The following KANK4 variants were observed in gnomAD, a reference collection of about 807,000 sequenced individuals.
The protein encoded by KANK4 is KN motif and ankyrin repeat domain-containing protein 4.
A neutral mutation model predicts 80.8 loss-of-function variants in KANK4; 50 were observed. The observed-to-expected ratio is 0.62, with a 90% CI of 0.49 to 0.78. The LOEUF is 0.78. Ranked by LOEUF, KANK4 falls within the 30% of genes least tolerant of loss-of-function variation. The probability of loss-of-function intolerance (pLI) is 0.00; values close to 1 mark genes in which losing one functional copy is unlikely to be tolerated. For missense variants in KANK4, 1,196 were observed against 1,240.1 expected, an observed-to-expected ratio of 0.96 and a Z score of 0.53; for synonymous variants, 465 against 506.9, an observed-to-expected ratio of 0.92 and a Z score of 1.11.
At chr1:62,273,016 C>T (rs1175949483) in intron 3 of KANK4, among the ~76,000 whole-genome samples, 188 bp downstream of exon 3, 1 of 152,126 alleles carries the variant, frequency 6.6e-6, no homozygotes, top group East Asian at 1.9e-4. Context: ...GTCTTGAACT[C>T]CTGATCTCAG....
At chr1:62,254,105 A>C (rs1386699565) in intron 7 of KANK4, among the ~76,000 whole-genome samples, 3 of 152,226 alleles carry the variant, frequency 2.0e-5, no homozygotes, top group Non-Finnish European at 4.4e-5. Flanking sequence ...AGGGTGAACA[A>C]CACCATGGGA....
chr1:62,266,181 G>A (rs914212051), intron 6 of KANK4, among the ~76,000 whole-genome samples: 2 of 152,194 alleles, frequency 1.3e-5, no homozygotes, highest in Non-Finnish European at 2.9e-5. Context: ...TGAGCCCCCG[G>A]CCTGCTTTCT....
Position 62,239,712 on chromosome 1 carries a change from T to C in KANK4, c.2884-1331A>G, listed in dbSNP as rs546238856. On this transcript the variant is annotated intron_variant, in intron 9 of 9. Coordinates refer to ENST00000371153, the MANE Select transcript of KANK4 (RefSeq NM_181712.5). Reference sequence around the variant, plus strand: ...CTGGTGTGTGATGTTCCCTGCCCTGTGTCCAGGTGTTCTCATTGTTCAATT... The same window carrying C: ...CTGGTGTGTGATGTTCCCTGCCCTGCGTCCAGGTGTTCTCATTGTTCAATT... 1.0e-3 allele frequency among the ~76,000 whole-genome samples: 157 copies of C among 152,260 alleles called. 1 individual carries two copies. Among genetic ancestry groups the C allele is most frequent in the African/African-American group, 3.6e-3 (149 of 41,548 alleles).
chr1:62,271,516 C>T lies in KANK4; in HGVS notation c.1974G>A (p.Gly658=). The change falls in exon 4 of 10, where the codon GGG becomes GGA. Residue 658 remains glycine (G), a synonymous_variant. Transcript: ENST00000371153. ...KDYGFRAGGN[G]TKKNLQFVGV... is the part of the protein sequence containing the mutation. ...CAACAAACTGAAGGTTCTTTTTGGT[C>T]CCATTACCTCCTGCACGGAAGCCAT... 6.2e-7 allele frequency: 1 copy of T among 1,614,046 alleles called. No homozygotes were observed.
At chr1:62,300,347 G>C (rs1644401721) in intron 1 of KANK4, among the ~76,000 whole-genome samples, 1 of 152,128 alleles carries the variant, frequency 6.6e-6, no homozygotes, top group African/African-American at 2.4e-5. Context: ...CACTGGGCTA[G>C]GTTCTGTGGA....
Position 62,268,492 on chromosome 1 carries a change from A to C in KANK4, c.2026T>G (p.Ser676Ala). 1 of 1,613,440 alleles carries C rather than the reference A, an allele frequency of 6.2e-7. No individual in the cohort carries two copies. Among genetic ancestry groups the C allele is most frequent in the Non-Finnish European group, 8.5e-7 (1 of 1,179,904 alleles). ...TCCTCACCGCTGGTCTCCTCACTTG[A>C]GGTGGTCTCATACCTGGGGTAGAAA... is the stretch of plus-strand genomic sequence containing the variant. ...VGVNGGYETT[S>A]SEETSGEDST... The change falls in exon 5 of 10, where the codon TCA becomes GCA. Residue 676 changes from serine to alanine, a missense_variant. By Grantham distance (99) the Ser-to-Ala change is moderately conservative (BLOSUM62 1). Transcript: ENST00000371153.
intron 1 of KANK4, among the ~76,000 whole-genome samples, chr1:62,282,593 GA>G (rs1490272722): frequency 6.6e-6 from 1 of 152,012 alleles, no homozygotes; most frequent in Non-Finnish European, 1.5e-5. Flanking sequence ...ACCAAGGATG[GA>G]AAAAAGGGGA....
At chr1:62,282,063 G>A (rs1367856751) in intron 1 of KANK4, among the ~76,000 whole-genome samples, 5 of 152,130 alleles carry the variant, frequency 3.3e-5, no homozygotes, top group South Asian at 2.1e-4. Context: ...TCCACTTTGC[G>A]AAAAAGCTGG....
chr1:62,282,453 G>A (rs1672471405), intron 1 of KANK4, among the ~76,000 whole-genome samples: 1 of 152,188 alleles, frequency 6.6e-6, no homozygotes, highest in Non-Finnish European at 1.5e-5. Flanking sequence ...CGCAGCAGTG[G>A]AAGCAGGGTT....
At chr1:62,294,057 G>A (rs765692) in intron 1 of KANK4, among the ~76,000 whole-genome samples, 41,762 of 152,132 alleles carry the variant, frequency 0.27, 5,951 homozygotes, top group Middle Eastern at 0.41. Flanking sequence ...GTTTTAAACT[G>A]CTTCTACTCT....
chr1:62,247,587 T>C lies in KANK4; in HGVS notation c.2768A>G (p.Asn923Ser). The change falls in exon 9 of 10, where the codon AAT (asparagine) becomes AGT (serine). Residue 923 changes from asparagine to serine, a missense_variant. Around this residue, in one of 3 missense-constraint regions of KANK4, gnomAD observed 1,154 missense variants for 1,179.6 expected, o/e 0.98. Transcript: ENST00000371153. Reference sequence around the variant, plus strand: ...CGAGGATCCATCGTGGTCCTGCAGATTGACATCTGCCTGGCAGCTAAGCAG... The same window carrying C: ...CGAGGATCCATCGTGGTCCTGCAGACTGACATCTGCCTGGCAGCTAAGCAG... The part of the protein sequence containing the change: ...QALLSCQADV[N>S]LQDHDGSSAL... 6.2e-7 allele frequency: 1 copy of C among 1,614,010 alleles called. No individual in the cohort carries two copies. Among genetic ancestry groups the C allele is most frequent in the Non-Finnish European group, 8.5e-7 (1 of 1,179,938 alleles).
At chr1:62,247,923 T>C (rs1314011534) in intron 8 of KANK4, among the ~76,000 whole-genome samples, 3 of 152,088 alleles carry the variant, frequency 2.0e-5, no homozygotes, top group African/African-American at 4.8e-5. Context: ...CACTCACCAC[T>C]TAGTATTGCA....
intron 1 of KANK4, among the ~76,000 whole-genome samples, chr1:62,288,141 C>A (rs1435080453): frequency 6.6e-6 from 1 of 152,174 alleles, no homozygotes. Flanking sequence ...CAGCTTCATG[C>A]TCCTACCAAG....
At chr1:62,287,864 G>A (rs938708188) in intron 1 of KANK4, among the ~76,000 whole-genome samples, 2 of 152,160 alleles carry the variant, frequency 1.3e-5, no homozygotes, top group African/African-American at 4.8e-5. Flanking sequence ...TATTTTTCCA[G>A]TTAGCTGAGT....
At chr1:62,263,810 C>T (rs931461070) in intron 6 of KANK4, among the ~76,000 whole-genome samples, 15 of 152,206 alleles carry the variant, frequency 9.9e-5, no homozygotes, top group African/African-American at 3.1e-4. Context: ...CCAATTTATG[C>T]TTGAAATAAA....
In KANK4 at chr1:62,274,014, C is replaced by T. The variant is rs1672239698; in HGVS notation, c.1090G>A (p.Ala364Thr). The change falls in exon 3 of 10, where the codon GCA becomes ACA. Residue 364 changes from alanine (A) to threonine (T), a missense_variant. This residue lies in a region of KANK4 where 1,154 missense variants were observed against 1,179.6 expected (regional missense o/e 0.98). Coordinates refer to ENST00000371153, the MANE Select transcript of KANK4 (RefSeq NM_181712.5). ...TGCTGGAGAGCAGTTCTGACCTGTG[C>T]CAGTTCCTCGGTTCTTCCAGACAAC... ...GELSGRTEEL[A>T]QVRTALQQQE... The T allele has an allele frequency of 1.2e-6, 2 of 1,614,210 alleles. No individual in the cohort carries two copies. Among genetic ancestry groups the T allele is most frequent in the Admixed American group, 3.3e-5 (2 of 60,034 alleles).
At chr1:62,271,354 T>C (rs1387751781) in intron 4 of KANK4, 124 bp downstream of exon 4, 3 of 716,828 alleles carry the variant, frequency 4.2e-6, no homozygotes, top group South Asian at 1.6e-5. Context: ...TAAAGGGCCA[T>C]TGAAATTAAT....
intron 1 of KANK4, among the ~76,000 whole-genome samples, chr1:62,306,730 A>G (rs1422929822): frequency 6.6e-6 from 1 of 152,124 alleles, no homozygotes; most frequent in Non-Finnish European, 1.5e-5. Flanking sequence ...AAAATTCCCA[A>G]TAGTGTTCAC....
intron 1 of KANK4, among the ~76,000 whole-genome samples, chr1:62,297,564 CAG>C (rs1376805951): frequency 6.6e-6 from 1 of 152,088 alleles, no homozygotes; most frequent in Non-Finnish European, 1.5e-5. Context: ...TAAATAGAAA[CAG>C]AAAGAACCAG....
Sources: allele counts gnomAD v4.1 joint callset (sites outside exome capture counted in the v4.1 genomes callset), GRCh38; gene constraint gnomAD v4.1.1; regional missense constraint gnomAD v4.1.1; transcripts MANE v1.5; gene names NCBI Gene and HGNC (gene_info 2026-07-23, HGNC 2026-07-21).